TRPM3: variants seen among roughly 807,000 people sequenced by gnomAD.
TRPM3 encodes the protein transient receptor potential cation channel subfamily M member 3.
A neutral mutation model predicts 181.2 loss-of-function variants in TRPM3; 77 were observed. The observed-to-expected ratio is 0.42, with a 90% CI of 0.35 to 0.51. TRPM3 has a LOEUF of 0.51. TRPM3 is among the 20% of genes least tolerant of loss of function. The probability of loss-of-function intolerance (pLI) is 0.01; values close to 1 mark genes in which losing one functional copy is unlikely to be tolerated. For missense variants in TRPM3, 1,759 were observed against 2,196.7 expected, an observed-to-expected ratio of 0.80 and a Z score of 3.98; for synonymous variants, 745 against 796.4, an observed-to-expected ratio of 0.94 and a Z score of 1.09.
chr9:70,639,648 A>G (rs189167981), intron 10 of TRPM3, among the ~76,000 whole-genome samples: 244 of 152,348 alleles, frequency 1.6e-3, no homozygotes, highest in African/African-American at 5.7e-3. Flanking sequence ...CCCTAAATCA[A>G]TGCTGGGTCT....
chr9:70,955,280 T>C (rs1418430569), intron 1 of TRPM3, among the ~76,000 whole-genome samples: 1 of 152,206 alleles, frequency 6.6e-6, no homozygotes, highest in Non-Finnish European at 1.5e-5. Context: ...TGTTGGAGGC[T>C]GTTTCCATGT....
At position 70,811,235 on chromosome 9, in the gene TRPM3, G is replaced by A. The variant is rs371656629; in HGVS notation, c.973+16612C>T. The A allele has an allele frequency of 1.4e-5, 23 of 1,609,988 alleles. No homozygotes were observed. In the East Asian group the frequency reaches 2.2e-4, roughly 16 times the overall value. ...CAAGCGGGAGTCAAGAGAGAAAAAC[G>A]GCAGGCATCCTGTCAAAAAATAAAA... On this transcript the variant is annotated intron_variant, in intron 6 of 25. Transcript: ENST00000677713.
chr9:70,615,355 C>A (rs1039737251), intron 18 of TRPM3, among the ~76,000 whole-genome samples: 1 of 152,196 alleles, frequency 6.6e-6, no homozygotes. Flanking sequence ...GAAGCTGTCC[C>A]ATGTCCAGCT....
intron 21 of TRPM3, among the ~76,000 whole-genome samples, chr9:70,593,453 G>A (rs1418771865): frequency 6.6e-6 from 1 of 152,180 alleles, no homozygotes; most frequent in South Asian, 2.1e-4. Flanking sequence ...AAGATGGGTT[G>A]GGAGAGGAAG....
intron 1 of TRPM3, among the ~76,000 whole-genome samples, chr9:71,252,667 G>C (rs2082414823): frequency 6.6e-6 from 1 of 151,686 alleles, no homozygotes; most frequent in Admixed American, 6.6e-5. Flanking sequence ...AAAAATAATA[G>C]AAAGACTTTT....
chr9:70,567,248 A>G (rs1270571938), intron 22 of TRPM3, among the ~76,000 whole-genome samples: 3 of 152,228 alleles, frequency 2.0e-5, no homozygotes, highest in Non-Finnish European at 4.4e-5. Flanking sequence ...CTCAACAATG[A>G]CACCCATCAT....
chr9:70,859,450 G>C (rs938256036), intron 3 of TRPM3, among the ~76,000 whole-genome samples: 2 of 152,088 alleles, frequency 1.3e-5, no homozygotes, highest in Non-Finnish European at 2.9e-5. Flanking sequence ...GGCTGCAGTA[G>C]GTTACTCTGT....
chr9:71,296,771 T>A (rs1278591784), intron 1 of TRPM3, among the ~76,000 whole-genome samples: 2 of 151,984 alleles, frequency 1.3e-5, no homozygotes, highest in South Asian at 2.1e-4. Context: ...ACGGCGGGGG[T>A]TCACACTGAG....
Position 70,609,305 on chromosome 9 carries a change from A to C in TRPM3, c.2667+1304T>G, listed in dbSNP as rs982860911. ...GTTAAAAATAATATAGAGCTGTATA[A>C]AATATATGAATAGAAACGATTTTTG... On this transcript the variant is annotated intron_variant, in intron 19 of 25. Transcript: ENST00000677713. Among the ~76,000 whole-genome samples the C allele has an allele frequency of 3.9e-5, 6 of 152,248 alleles. No individual in the cohort carries two copies. The East Asian group carries it at 9.6e-4, about 24-fold the overall frequency.
chr9:71,265,781 G>T (rs1382187197), intron 1 of TRPM3, among the ~76,000 whole-genome samples: 1 of 152,140 alleles, frequency 6.6e-6, no homozygotes. Flanking sequence ...CTAATATCCA[G>T]CCATTAGCTG....
intron 21 of TRPM3, among the ~76,000 whole-genome samples, chr9:70,596,507 G>A (rs1482506031): frequency 1.3e-5 from 2 of 152,030 alleles, no homozygotes; most frequent in African/African-American, 4.8e-5. Flanking sequence ...TGAGGCGGGT[G>A]GATCACTTGA....
At chr9:70,579,651 C>T (rs902184104) in intron 22 of TRPM3, among the ~76,000 whole-genome samples, 6 of 152,144 alleles carry the variant, frequency 3.9e-5, no homozygotes, top group South Asian at 2.1e-4. Flanking sequence ...CTAGGAAGCC[C>T]GTGCCCGCAG....
chr9:70,928,254 C>T (rs2096741055), intron 1 of TRPM3, among the ~76,000 whole-genome samples: 1 of 152,170 alleles, frequency 6.6e-6, no homozygotes, highest in Non-Finnish European at 1.5e-5. Context: ...AGTTTATACA[C>T]TGTAGGATTG....
chr9:70,895,927 G>A (rs1415748347), intron 1 of TRPM3, among the ~76,000 whole-genome samples: 1 of 152,068 alleles, frequency 6.6e-6, no homozygotes, highest in Admixed American at 6.6e-5. Flanking sequence ...ATAACCAGAG[G>A]TGACTCCAGT....
chr9:71,408,334 G>A (rs559457026), intron 1 of TRPM3, among the ~76,000 whole-genome samples: 40 of 152,194 alleles, frequency 2.6e-4, no homozygotes, highest in African/African-American at 4.3e-4. Context: ...TGAACCCATC[G>A]CAAGAAAGCT....
upstream of TRPM3, among the ~76,000 whole-genome samples, chr9:71,125,152 T>C (rs1476717260): frequency 6.6e-6 from 1 of 152,220 alleles, no homozygotes; most frequent in Non-Finnish European, 1.5e-5. Flanking sequence ...GCTTGCTTAA[T>C]GATTGGCCTC....
intron 8 of TRPM3, among the ~76,000 whole-genome samples, chr9:70,686,686 TTTCCTTCCTTCCTTCCTTCCTTCC>T (rs778689995): frequency 2.9e-4 from 17 of 58,862 alleles, no homozygotes; most frequent in South Asian, 1.6e-3. Flanking sequence ...TCCTTCCTTC[TTTCCTTCCTTCCTTCCTTCCTTCC>T]TTCCTTCCTT....
At chr9:70,540,842 C>T (rs944532385) in intron 25 of TRPM3, among the ~76,000 whole-genome samples, 1 of 152,202 alleles carries the variant, frequency 6.6e-6, no homozygotes, top group Non-Finnish European at 1.5e-5. Context: ...TCCACTGTAG[C>T]CTCCTGAGTA....
intron 22 of TRPM3, among the ~76,000 whole-genome samples, chr9:70,555,579 G>A (rs1049777910): frequency 4.6e-5 from 7 of 152,230 alleles, no homozygotes; most frequent in African/African-American, 1.7e-4. Context: ...GTGATGCATA[G>A]TCCTAGCTCT....
Sources: allele counts gnomAD v4.1 joint callset (sites outside exome capture counted in the v4.1 genomes callset), GRCh38; gene constraint gnomAD v4.1.1; transcripts MANE v1.5; gene names NCBI Gene and HGNC (gene_info 2026-07-23, HGNC 2026-07-21).